Variants in TMCC1 observed in about 807,000 individuals in gnomAD.
TMCC1 encodes the protein transmembrane and coiled-coil domains protein 1.
In TMCC1, 15 loss-of-function variants were observed where a neutral mutation model predicts 52.4. The ratio of observed to expected loss-of-function variants is 0.29; its 90% CI spans 0.19 to 0.44. The LOEUF is 0.44. Among genes scored for constraint, TMCC1 ranks in the 20% least tolerant of loss-of-function variants. The probability of loss-of-function intolerance (pLI) is 1.00; values close to 1 mark genes in which losing one functional copy is unlikely to be tolerated. For synonymous variants in TMCC1, 279 were observed against 301.9 expected (o/e 0.92, Z 0.79); for missense variants, 503 against 806.0 (o/e 0.62, Z 4.55).
intron 4 of TMCC1, among the ~76,000 whole-genome samples, chr3:129,708,798 C>T (rs1440644367): frequency 2.6e-5 from 4 of 152,126 alleles, no homozygotes; most frequent in Non-Finnish European, 4.4e-5. Context: ...ATTACTTTCC[C>T]CCAAAGATAT....
At chr3:129,738,731 A>C (rs2051199474) in intron 4 of TMCC1, among the ~76,000 whole-genome samples, 1 of 152,254 alleles carries the variant, frequency 6.6e-6, no homozygotes, top group Non-Finnish European at 1.5e-5. Context: ...GATTAAAAAA[A>C]GTGTTTAAGA....
intron 2 of TMCC1, among the ~76,000 whole-genome samples, chr3:129,839,479 C>A (rs2059325575): frequency 6.6e-6 from 1 of 151,992 alleles, no homozygotes; most frequent in Admixed American, 6.6e-5. Context: ...AGGAAAAAAA[C>A]CACACAGGCG....
At chr3:129,731,824 C>T (rs1037489307) in intron 4 of TMCC1, among the ~76,000 whole-genome samples, 1 of 151,928 alleles carries the variant, frequency 6.6e-6, no homozygotes, top group African/African-American at 2.4e-5. Context: ...AGGGTTTTGC[C>T]ATGCTGCCCA....
rs182832750 is a variant in TMCC1 at position 129,790,884 on chromosome 3, C to T, written c.576+36919G>A. Among the ~76,000 whole-genome samples, 102 of 152,094 alleles carry T rather than the reference C, an allele frequency of 6.7e-4. 1 individual carries two copies. The highest frequency in any genetic ancestry group is 1.9e-3 in the Admixed American group (29 of 15,272). ...TTCAAATCAATACCTCTCTGGCCAA[C>T]GAAAACAAATTTAATTATGGGAAAT... On this transcript the variant is annotated intron_variant, in intron 4 of 6. Coordinates refer to ENST00000393238, the MANE Select transcript of TMCC1 (RefSeq NM_001017395.5).
chr3:129,675,125 T>C (rs2088300797), intron 4 of TMCC1, among the ~76,000 whole-genome samples: 1 of 152,212 alleles, frequency 6.6e-6, no homozygotes, highest in Non-Finnish European at 1.5e-5. Context: ...TGAGCCACTG[T>C]GCCCGGCCAT....
At chr3:129,876,524 T>C (rs2107980778) in intron 2 of TMCC1, among the ~76,000 whole-genome samples, 1 of 152,228 alleles carries the variant, frequency 6.6e-6, no homozygotes, top group Admixed American at 6.5e-5. Flanking sequence ...CCAGGTTCAG[T>C]GGCTCATGCC....
At chr3:129,774,221 A>G (rs2054841304) in intron 4 of TMCC1, among the ~76,000 whole-genome samples, 1 of 152,214 alleles carries the variant, frequency 6.6e-6, no homozygotes, top group African/African-American at 2.4e-5. Context: ...GGTCATGTGG[A>G]AAAGACTTAT....
chr3:129,703,843 T>A (rs927700227), intron 4 of TMCC1, among the ~76,000 whole-genome samples: 3 of 152,220 alleles, frequency 2.0e-5, no homozygotes, highest in African/African-American at 7.2e-5. Flanking sequence ...GATTAGATGA[T>A]CTCATAGTTG....
At chr3:129,878,399 C>T (rs565816421) in intron 2 of TMCC1, among the ~76,000 whole-genome samples, 1 of 152,296 alleles carries the variant, frequency 6.6e-6, no homozygotes, top group East Asian at 1.9e-4. Context: ...TCCAGAAACT[C>T]AATACAAAAA....
chr3:129,728,097 T>C (rs756755021), intron 4 of TMCC1, among the ~76,000 whole-genome samples: 5 of 152,170 alleles, frequency 3.3e-5, no homozygotes, highest in Non-Finnish European at 7.4e-5. Context: ...CTGTACTAAT[T>C]TATTGAATAA....
At chr3:129,710,856 C>T (rs77026810) in intron 4 of TMCC1, among the ~76,000 whole-genome samples, 14,188 of 152,082 alleles carry the variant, frequency 0.093, 1,097 homozygotes, top group East Asian at 0.37. Context: ...ATATTCTCAG[C>T]CATGTTCCAT....
intron 5 of TMCC1, among the ~76,000 whole-genome samples, chr3:129,657,281 T>C (rs1022153135): frequency 3.9e-4 from 59 of 152,266 alleles, no homozygotes; most frequent in African/African-American, 6.0e-4. Flanking sequence ...GGAATCTTAT[T>C]TGATATTAAA....
chr3:129,747,349 G>A (rs1321697809), intron 4 of TMCC1, among the ~76,000 whole-genome samples: 2 of 152,052 alleles, frequency 1.3e-5, no homozygotes, highest in Non-Finnish European at 2.9e-5. Context: ...TCTTTTCAAA[G>A]CTCAGCAAAG....
At chr3:129,681,921 T>C (rs867544315) in intron 4 of TMCC1, among the ~76,000 whole-genome samples, 3 of 146,402 alleles carry the variant, frequency 2.0e-5, no homozygotes, top group African/African-American at 7.8e-5. Flanking sequence ...AAAAAAAAAA[T>C]TTTTAATTAA....
chr3:129,738,290 AGAG>A (rs1211214627), intron 4 of TMCC1, among the ~76,000 whole-genome samples: 30 of 149,064 alleles, frequency 2.0e-4, no homozygotes, highest in Admixed American at 1.9e-3. Context: ...AAAAAAAAAA[AGAG>A]AAGAAGAAAA....
intron 4 of TMCC1, chr3:129,794,268 C>A (rs2056664667): frequency 2.2e-6 from 1 of 455,448 alleles, no homozygotes; most frequent in African/African-American, 2.0e-5. Context: ...AAAAAGGAAC[C>A]ATGCTGAAGC....
chr3:129,823,239 T>G lies in TMCC1; in HGVS notation c.576+4564A>C, dbSNP rs1376489116. Among the ~76,000 whole-genome samples the G allele has an allele frequency of 2.0e-5, 3 of 152,122 alleles. No individual in the cohort carries two copies. The South Asian group carries it at 6.2e-4, about 32-fold the overall frequency. On this transcript the variant is annotated intron_variant, in intron 4 of 6. Transcript: ENST00000393238. ...TACTTGGGAGGCTGAGGCAGGAGAA[T>G]CGCTTGAACCCAGGAGGTGGAGGTT...
At chr3:129,892,054 G>A (rs1577250221) in intron 1 of TMCC1, among the ~76,000 whole-genome samples, 1 of 152,188 alleles carries the variant, frequency 6.6e-6, no homozygotes, top group South Asian at 2.1e-4. Context: ...TTTATCTTAA[G>A]ATGCAAATGC....
At chr3:129,858,536 A>G (rs1381461278) in intron 2 of TMCC1, among the ~76,000 whole-genome samples, 1 of 151,958 alleles carries the variant, frequency 6.6e-6, no homozygotes, top group Non-Finnish European at 1.5e-5. Context: ...ACGTCCAGCT[A>G]ATTTTTTGTA....
Sources: allele counts gnomAD v4.1 joint callset (sites outside exome capture counted in the v4.1 genomes callset), GRCh38; gene constraint gnomAD v4.1.1; transcripts MANE v1.5; gene names NCBI Gene and HGNC (gene_info 2026-07-23, HGNC 2026-07-21).